The following ULK4 variants were observed in gnomAD, a reference collection of about 807,000 sequenced individuals.
ULK4 encodes the protein inactive serine/threonine-protein kinase ULK4.
In ULK4, 133 loss-of-function variants were observed where a neutral mutation model predicts 160.6. The observed-to-expected ratio is 0.83, with a 90% CI of 0.72 to 0.96. The LOEUF (loss-of-function observed/expected upper bound fraction) is 0.96, where lower values mean the gene tolerates loss of function less well. Among genes scored for constraint, ULK4 ranks in the 40% least tolerant of loss-of-function variants. ULK4 has a pLI of 0.00. For synonymous variants in ULK4, 534 were observed against 539.8 expected, an observed-to-expected ratio of 0.99 and a Z score of 0.15; for missense variants, 1,580 against 1,499.5, an observed-to-expected ratio of 1.05 and a Z score of -0.89.
Position 41,580,372 on chromosome 3 carries a change from A to ATT in ULK4, c.3121-14244_3121-14243dup, listed in dbSNP as rs1383641470. Among the ~76,000 whole-genome samples, 428 of 150,408 alleles carry ATT rather than the reference A, an allele frequency of 2.8e-3. 2 individuals are homozygous for ATT. Among genetic ancestry groups the ATT allele is most frequent in the African/African-American group, 0.01 (412 of 40,056 alleles). On this transcript the variant is annotated intron_variant, in intron 31 of 36. Coordinates refer to ENST00000301831, the MANE Select transcript of ULK4 (RefSeq NM_017886.4). Reference sequence around the variant, plus strand: ...GCACAAATAACAAGTTAAACCAATTATTTATTTTTTTTTTTTTAAAAAAAC... The same window carrying ATT: ...GCACAAATAACAAGTTAAACCAATTATTTTTATTTTTTTTTTTTTAAAAAAAC...
intron 35 of ULK4, among the ~76,000 whole-genome samples, chr3:41,336,788 T>C (rs557434363): frequency 5.7e-4 from 87 of 152,218 alleles, no homozygotes; most frequent in African/African-American, 2.1e-3. Context: ...GCGGTTCAAA[T>C]CAACGCTCGC....
intron 30 of ULK4, among the ~76,000 whole-genome samples, chr3:41,620,445 T>G (rs1367053546): frequency 6.6e-6 from 1 of 152,238 alleles, no homozygotes; most frequent in African/African-American, 2.4e-5. Flanking sequence ...ATCCCTGGGA[T>G]GCAAGGCTGG....
intron 29 of ULK4, among the ~76,000 whole-genome samples, chr3:41,676,915 T>C (rs1220176840): frequency 1.4e-5 from 2 of 144,970 alleles, no homozygotes; most frequent in Non-Finnish European, 3.0e-5. Flanking sequence ...AACCTTTTTT[T>C]TTTTTTTTTT....
intron 2 of ULK4, among the ~76,000 whole-genome samples, chr3:41,954,162 G>A (rs1481612063): frequency 2.2e-5 from 3 of 137,586 alleles, no homozygotes; most frequent in Non-Finnish European, 4.6e-5. Flanking sequence ...GGGCGACAGA[G>A]TGAGACTCCG....
intron 35 of ULK4, among the ~76,000 whole-genome samples, chr3:41,280,509 C>T (rs917679306): frequency 6.6e-6 from 1 of 152,210 alleles, no homozygotes; most frequent in African/African-American, 2.4e-5. Context: ...GAAACTCACT[C>T]AAAACCGCAC....
chr3:41,895,111 T>A (rs965929636), intron 16 of ULK4, among the ~76,000 whole-genome samples: 11 of 152,092 alleles, frequency 7.2e-5, no homozygotes, highest in Non-Finnish European at 1.3e-4. Context: ...TAATCAATAC[T>A]CAAAACAGTA....
At chr3:41,816,068 T>A (rs936932178) in intron 19 of ULK4, among the ~76,000 whole-genome samples, 61 of 151,996 alleles carry the variant, frequency 4.0e-4, no homozygotes, top group Non-Finnish European at 8.2e-4. Flanking sequence ...CTGGGCAACA[T>A]AGCAAGATTG....
intron 35 of ULK4, among the ~76,000 whole-genome samples, chr3:41,343,564 A>G (rs1407062653): frequency 1.3e-5 from 2 of 151,872 alleles, no homozygotes; most frequent in Non-Finnish European, 2.9e-5. Context: ...TTGGCCTCCC[A>G]AAGTGCTGGG....
At chr3:41,415,956 G>A (rs1321117917) in intron 34 of ULK4, among the ~76,000 whole-genome samples, 2 of 152,164 alleles carry the variant, frequency 1.3e-5, no homozygotes, top group Non-Finnish European at 2.9e-5. Context: ...TAATGCAAAT[G>A]ATGTGAATTT....
intron 30 of ULK4, among the ~76,000 whole-genome samples, chr3:41,625,698 C>T (rs968728372): frequency 1.3e-5 from 2 of 152,136 alleles, no homozygotes; most frequent in East Asian, 1.9e-4. Flanking sequence ...TGGTTGGCCA[C>T]CATGACTTAA....
rs376975668 is a variant in ULK4 at position 41,834,873 on chromosome 3, A to G, written c.1764+991T>C. 1.6e-4 allele frequency among the ~76,000 whole-genome samples: 24 copies of G among 152,034 alleles called. No individual in the cohort carries two copies. The East Asian group carries it at 3.7e-3, about 23-fold the overall frequency. On this transcript the variant is annotated intron_variant, in intron 18 of 36. Transcript: ENST00000301831. ...AGCCTGGGCAACATGGCGAAACCCCATCTTCACAAAATATACAAAAAATTA... is the reference window on the plus strand; with the variant it reads ...AGCCTGGGCAACATGGCGAAACCCCGTCTTCACAAAATATACAAAAAATTA...
chr3:41,824,063 T>G (rs1325662985), intron 18 of ULK4, among the ~76,000 whole-genome samples: 1 of 149,002 alleles, frequency 6.7e-6, no homozygotes, highest in East Asian at 2.0e-4. Context: ...CTCAGGAGGC[T>G]GAAACAGGAG....
intron 34 of ULK4, among the ~76,000 whole-genome samples, chr3:41,415,723 A>C (rs1439451922): frequency 6.6e-6 from 1 of 152,170 alleles, no homozygotes; most frequent in Non-Finnish European, 1.5e-5. Flanking sequence ...TCTTCAATGC[A>C]GTAAGACCTC....
intron 31 of ULK4, among the ~76,000 whole-genome samples, chr3:41,585,319 A>C (rs1330951495): frequency 2.0e-5 from 3 of 152,224 alleles, no homozygotes; most frequent in Admixed American, 2.0e-4. Context: ...GCATAAACAC[A>C]GACATATAAA....
intron 2 of ULK4, among the ~76,000 whole-genome samples, chr3:41,939,685 A>AG (rs1363585165): frequency 2.0e-5 from 3 of 152,000 alleles, no homozygotes; most frequent in African/African-American, 7.2e-5. Flanking sequence ...CACTTGAGCC[A>AG]GGGGGGTCCC....
intron 19 of ULK4, among the ~76,000 whole-genome samples, chr3:41,800,888 T>A (rs934140790): frequency 6.6e-6 from 1 of 152,146 alleles, no homozygotes; most frequent in Non-Finnish European, 1.5e-5. Flanking sequence ...TCAGGTAATA[T>A]AAATGAGTCC....
At chr3:41,606,958 T>A (rs1275434055) in intron 31 of ULK4, among the ~76,000 whole-genome samples, 3 of 152,232 alleles carry the variant, frequency 2.0e-5, no homozygotes, top group Admixed American at 6.5e-5. Flanking sequence ...GAAGCTTTTT[T>A]AATTTGATAC....
chr3:41,851,845 G>A (rs2042222973), intron 17 of ULK4, among the ~76,000 whole-genome samples: 1 of 152,030 alleles, frequency 6.6e-6, no homozygotes, highest in Non-Finnish European at 1.5e-5. Context: ...AACTAGAGAA[G>A]CAAGAGCAAA....
chr3:41,458,945 A>G (rs555704033), intron 33 of ULK4, among the ~76,000 whole-genome samples: 1 of 152,132 alleles, frequency 6.6e-6, no homozygotes, highest in South Asian at 2.1e-4. Context: ...TAATAGAGAC[A>G]GGGTTTCACC....
Sources: allele counts gnomAD v4.1 joint callset (sites outside exome capture counted in the v4.1 genomes callset), GRCh38; gene constraint gnomAD v4.1.1; transcripts MANE v1.5; gene names NCBI Gene and HGNC (gene_info 2026-07-23, HGNC 2026-07-21).